CNTN5: variants seen among roughly 807,000 people sequenced by gnomAD.
The protein encoded by CNTN5 is contactin 5.
In CNTN5, 77 loss-of-function variants were observed where a neutral mutation model predicts 129.1. That is an observed-to-expected ratio of 0.60 (90% CI 0.50 to 0.72). The LOEUF (loss-of-function observed/expected upper bound fraction) is 0.72. Among genes scored for constraint, CNTN5 ranks in the 30% least tolerant of loss-of-function variants. CNTN5 has a pLI of 0.00. For synonymous variants in CNTN5, 509 were observed against 465.6 expected (o/e 1.09, Z -1.20); for missense variants, 1,478 against 1,328.8 (o/e 1.11, Z -1.75).
chr11:100,288,156 A>G (rs1476521824), intron 18 of CNTN5, among the ~76,000 whole-genome samples: 1 of 152,164 alleles, frequency 6.6e-6, no homozygotes, highest in Non-Finnish European at 1.5e-5. Flanking sequence ...CACATTAATA[A>G]TGGGAGACTT....
rs572872775 is a variant in CNTN5, at chr11:99,836,052, C to A, written c.278-8800C>A. On this transcript the variant is annotated intron_variant, in intron 4 of 24. Transcript: ENST00000524871. The stretch of plus-strand genomic sequence containing the variant: ...ACTCCATAGACAGTCCAAAGGGCTG[C>A]TGGTTACCCATTTTAATGGTTATTC... Among the ~76,000 whole-genome samples the A allele has an allele frequency of 6.0e-5, 9 of 151,004 alleles. No homozygotes were observed. The South Asian group carries it at 1.7e-3, about 28-fold the overall frequency.
At chr11:99,830,231 G>A (rs943599511) in intron 4 of CNTN5, among the ~76,000 whole-genome samples, 1 of 151,974 alleles carries the variant, frequency 6.6e-6, no homozygotes, top group Non-Finnish European at 1.5e-5. Context: ...TTCTACTAAG[G>A]CTAAGCACAT....
At chr11:99,789,048 C>T (rs10893898) in intron 3 of CNTN5, among the ~76,000 whole-genome samples, 23,266 of 151,540 alleles carry the variant, frequency 0.15, 1,887 homozygotes, top group Non-Finnish European at 0.17. Flanking sequence ...CTCATTAACT[C>T]TGGGAATCTC....
chr11:99,592,115 T>C (rs776791596), intron 3 of CNTN5, among the ~76,000 whole-genome samples: 15 of 152,198 alleles, frequency 9.9e-5, no homozygotes, highest in Non-Finnish European at 1.8e-4. Context: ...TATCTTAAAT[T>C]TGAGATTCCT....
chr11:99,769,900 C>G (rs940866671), intron 3 of CNTN5, among the ~76,000 whole-genome samples: 3 of 151,744 alleles, frequency 2.0e-5, no homozygotes, highest in African/African-American at 7.3e-5. Context: ...GCCTTATCAA[C>G]TCTTGTCAAC....
chr11:99,346,690 T>C (rs7482232), intron 2 of CNTN5, among the ~76,000 whole-genome samples: 25,957 of 152,210 alleles, frequency 0.17, 2,538 homozygotes, highest in South Asian at 0.25. Flanking sequence ...CCAGTGGTAT[T>C]ATATTTAGAG....
At chr11:100,185,183 T>A (rs1298497640) in intron 13 of CNTN5, among the ~76,000 whole-genome samples, 2 of 152,136 alleles carry the variant, frequency 1.3e-5, no homozygotes, top group African/African-American at 2.4e-5. Context: ...GTCTCATACA[T>A]AAGTCATGGG....
intron 7 of CNTN5, among the ~76,000 whole-genome samples, chr11:99,945,786 T>C (rs1950542130): frequency 1.3e-5 from 2 of 152,036 alleles, no homozygotes; most frequent in African/African-American, 2.4e-5. Flanking sequence ...CCTTACACGC[T>C]CATCGAGTTG....
chr11:99,536,491 T>C (rs10790780), intron 2 of CNTN5, among the ~76,000 whole-genome samples: 37,541 of 151,964 alleles, frequency 0.25, 5,118 homozygotes, highest in Non-Finnish European at 0.31. Context: ...CAGAGTAGCA[T>C]GTAACATTGA....
intron 3 of CNTN5, among the ~76,000 whole-genome samples, chr11:99,694,794 G>A (rs929387105): frequency 1.3e-5 from 2 of 151,816 alleles, no homozygotes; most frequent in East Asian, 1.9e-4. Context: ...TGTTCCTGAG[G>A]TACCACTTTG....
intron 2 of CNTN5, among the ~76,000 whole-genome samples, chr11:99,490,549 C>T (rs754288920): frequency 5.9e-4 from 90 of 152,120 alleles, no homozygotes; most frequent in Non-Finnish European, 1.2e-3. Flanking sequence ...TAGCCTGAGA[C>T]AAAGTGCTTA....
intron 8 of CNTN5, among the ~76,000 whole-genome samples, chr11:99,967,386 C>A (rs886868892): frequency 1.3e-5 from 2 of 152,062 alleles, no homozygotes; most frequent in Admixed American, 1.3e-4. Context: ...TTGTTAGGTA[C>A]AGGGGATACA....
chr11:99,608,600 C>G (rs150733290), intron 3 of CNTN5, among the ~76,000 whole-genome samples: 7 of 152,162 alleles, frequency 4.6e-5, no homozygotes, highest in African/African-American at 1.7e-4. Context: ...TGAAGAGACA[C>G]AGGGAGATTA....
intron 6 of CNTN5, among the ~76,000 whole-genome samples, chr11:99,877,645 G>A (rs1948668495): frequency 1.3e-5 from 2 of 151,878 alleles, no homozygotes; most frequent in African/African-American, 2.4e-5. Context: ...GTTTTAACAT[G>A]TAGAAAGGGT....
chr11:99,621,536 A>G (rs1476505007), intron 3 of CNTN5, among the ~76,000 whole-genome samples: 1 of 46,654 alleles, frequency 2.1e-5, no homozygotes. Context: ...ATACAAAAAT[A>G]GTAAATATTA....
At chr11:99,066,064 A>G (rs1036014424) in intron 1 of CNTN5, among the ~76,000 whole-genome samples, 14 of 152,134 alleles carry the variant, frequency 9.2e-5, no homozygotes, top group African/African-American at 3.1e-4. Context: ...AAATATAGAT[A>G]CACGCATATG....
intron 4 of CNTN5, among the ~76,000 whole-genome samples, chr11:99,836,551 A>G (rs1947313801): frequency 6.6e-6 from 1 of 152,100 alleles, no homozygotes; most frequent in Non-Finnish European, 1.5e-5. Context: ...ATTGATGGAC[A>G]TTTGGGTTGG....
intron 1 of CNTN5, among the ~76,000 whole-genome samples, chr11:99,184,357 C>T (rs749432546): frequency 6.6e-6 from 1 of 152,000 alleles, no homozygotes; most frequent in African/African-American, 2.4e-5. Flanking sequence ...AGCTGCTACT[C>T]CCTCTGCTCA....
chr11:99,743,046 A>G (rs549217926), intron 3 of CNTN5, among the ~76,000 whole-genome samples: 4 of 152,200 alleles, frequency 2.6e-5, no homozygotes, highest in Non-Finnish European at 5.9e-5. Flanking sequence ...GCTACTCTCA[A>G]CATTAGCCAT....
Sources: gnomAD v4.1 joint callset for allele counts (sites outside exome capture counted in the v4.1 genomes callset) on GRCh38, gnomAD v4.1.1 for gene constraint, MANE v1.5 for transcripts, NCBI Gene and HGNC (gene_info 2026-07-23, HGNC 2026-07-21) for gene names.